LRRC37A2: variants seen among roughly 807,000 people sequenced by gnomAD.
LRRC37A2 encodes the protein leucine rich repeat containing 37 member A2.
In LRRC37A2, 9 loss-of-function variants were observed where a neutral mutation model predicts 68.8. The ratio of observed to expected loss-of-function variants is 0.13; its 90% CI spans 0.08 to 0.23. The LOEUF (loss-of-function observed/expected upper bound fraction) is 0.23, where lower values mean the gene tolerates loss of function less well. Ranked by LOEUF, LRRC37A2 falls within the 10% of genes least tolerant of loss-of-function variation. The pLI is 1.00. For synonymous variants in LRRC37A2, 63 were observed against 367.6 expected, an observed-to-expected ratio of 0.17 and a Z score of 9.48; for missense variants, 168 against 950.4, an observed-to-expected ratio of 0.18 and a Z score of 10.82.
At chr17:46,851,602 G>C in the LRRC37A2 span, 153 of 1,192,112 alleles carry the variant, frequency 1.3e-4, no homozygotes, top group Non-Finnish European at 1.5e-4. This position sits in a 1 kb window ranked among gnomAD's most constrained non-coding sequence, Gnocchi z 4.3. Context: ...CTTGAGCGGC[G>C]CGAGGAGATG....
At chr17:46,739,459 A>C in the LRRC37A2 span, among the ~76,000 whole-genome samples, 1 of 149,664 alleles carries the variant, frequency 6.7e-6, no homozygotes, top group Non-Finnish European at 1.5e-5. Context: ...GAATCACCTG[A>C]GCCCAGGAGG....
chr17:46,807,900 G>C, the LRRC37A2 span, among the ~76,000 whole-genome samples: 1 of 152,238 alleles, frequency 6.6e-6, no homozygotes, highest in South Asian at 2.1e-4. Flanking sequence ...GAGAAAGCAT[G>C]CTGGCTCCTC....
the LRRC37A2 span, among the ~76,000 whole-genome samples, chr17:46,870,324 G>T: frequency 2.6e-5 from 4 of 152,352 alleles, no homozygotes; most frequent in Non-Finnish European, 2.9e-5. Flanking sequence ...CAGTCAAGGC[G>T]TGGCCTCCTC....
chr17:46,982,458 T>A, the LRRC37A2 span, among the ~76,000 whole-genome samples: 67,207 of 152,060 alleles, frequency 0.44, 15,982 homozygotes, highest in Non-Finnish European at 0.54. Flanking sequence ...AAGCATCTAT[T>A]ACATGCCCAG....
At chr17:47,010,298 G>A in the LRRC37A2 span, among the ~76,000 whole-genome samples, 1 of 152,190 alleles carries the variant, frequency 6.6e-6, no homozygotes, top group Non-Finnish European at 1.5e-5. Flanking sequence ...TGTAGCGACT[G>A]GTGCACAAGT....
the LRRC37A2 span, among the ~76,000 whole-genome samples, chr17:46,896,450 GAAA>G: frequency 3.0e-3 from 166 of 54,834 alleles, 6 homozygotes; most frequent in African/African-American, 7.7e-3. Flanking sequence ...AAGAAAGAAA[GAAA>G]AAGAAAGAAA....
At chr17:46,859,999 C>T in the LRRC37A2 span, among the ~76,000 whole-genome samples, 4 of 151,804 alleles carry the variant, frequency 2.6e-5, no homozygotes, top group Admixed American at 2.0e-4. Flanking sequence ...TGAATTGGGG[C>T]CTGAGAAAAA....
chr17:47,033,430 G>T, the LRRC37A2 span: 1 of 690,538 alleles, frequency 1.4e-6, no homozygotes, highest in Admixed American at 2.1e-5. Flanking sequence ...CAAGTACATC[G>T]CGCATATTGG....
At chr17:46,873,741 C>T in the LRRC37A2 span, among the ~76,000 whole-genome samples, 1 of 150,922 alleles carries the variant, frequency 6.6e-6, no homozygotes, top group African/African-American at 2.5e-5. Flanking sequence ...GTTGCCATGG[C>T]TCACACCTGT....
chr17:46,928,559 C>T, the LRRC37A2 span, among the ~76,000 whole-genome samples: 6 of 152,096 alleles, frequency 3.9e-5, no homozygotes, highest in Non-Finnish European at 7.4e-5. Context: ...TTGGCCAGAC[C>T]GTGGGAAGCC....
the LRRC37A2 span, chr17:47,018,296 G>A: frequency 6.2e-7 from 1 of 1,611,570 alleles, no homozygotes; most frequent in Non-Finnish European, 8.5e-7. Flanking sequence ...AGCCTTCTGA[G>A]TCTTCTGGGG....
the LRRC37A2 span, among the ~76,000 whole-genome samples, chr17:46,973,692 G>A: frequency 3.9e-5 from 6 of 152,186 alleles, no homozygotes; most frequent in South Asian, 4.1e-4. Context: ...TGGACACCCC[G>A]TGTATCTGCT....
chr17:46,985,342 A>T, the LRRC37A2 span, among the ~76,000 whole-genome samples: 2 of 152,020 alleles, frequency 1.3e-5, no homozygotes, highest in Non-Finnish European at 2.9e-5. Flanking sequence ...AACATGGTGA[A>T]ACCCTGTCTC....
At chr17:46,793,449 G>A in the LRRC37A2 span, among the ~76,000 whole-genome samples, 1 of 152,060 alleles carries the variant, frequency 6.6e-6, no homozygotes, top group South Asian at 2.1e-4. Flanking sequence ...CTGGGCTCCC[G>A]CCTATCAGTC....
chr17:46,859,228 G>A, the LRRC37A2 span, among the ~76,000 whole-genome samples: 1 of 151,990 alleles, frequency 6.6e-6, no homozygotes, highest in Non-Finnish European at 1.5e-5. Context: ...CACCTGCCTC[G>A]GCCTCCCAAA....
At chr17:46,719,280 C>T in the LRRC37A2 span, among the ~76,000 whole-genome samples, 1 of 152,120 alleles carries the variant, frequency 6.6e-6, no homozygotes, top group African/African-American at 2.4e-5. The surrounding 1 kb of genome is among the most constrained non-coding windows in gnomAD (Gnocchi z 4.3). Flanking sequence ...TTAGTTAATT[C>T]ATAGAGCATC....
chr17:46,939,094 TG>T, the LRRC37A2 span: 75 of 1,211,996 alleles, frequency 6.2e-5, no homozygotes, highest in Admixed American at 9.2e-4. Flanking sequence ...GTGTCCACAG[TG>T]AGCCCTGTGT....
At chr17:46,755,604 A>G in the LRRC37A2 span, 1 of 705,722 alleles carries the variant, frequency 1.4e-6, no homozygotes, top group Non-Finnish European at 2.3e-6. Flanking sequence ...AATGGTACAT[A>G]TTTATTGGAA....
chr17:47,023,329 A>G, the LRRC37A2 span, among the ~76,000 whole-genome samples: 1 of 152,200 alleles, frequency 6.6e-6, no homozygotes, highest in African/African-American at 2.4e-5. Flanking sequence ...CATTTTTCAC[A>G]ACAGTTTGTG....
Sources: allele counts gnomAD v4.1 joint callset (sites outside exome capture counted in the v4.1 genomes callset), GRCh38; gene constraint gnomAD v4.1.1; non-coding constraint Gnocchi (gnomAD v3.1); transcripts MANE v1.5; gene names NCBI Gene and HGNC (gene_info 2026-07-23, HGNC 2026-07-21).